The following IL31RA variants were observed in gnomAD, a reference collection of about 807,000 sequenced individuals.
The protein encoded by IL31RA is interleukin 31 receptor A.
In IL31RA, 66 loss-of-function variants were observed where a neutral mutation model predicts 83.7. That is an observed-to-expected ratio of 0.79 (90% CI 0.65 to 0.97). The LOEUF (loss-of-function observed/expected upper bound fraction) is 0.97, where lower values mean the gene tolerates loss of function less well. Ranked by LOEUF, IL31RA falls within the 50% of genes least tolerant of loss-of-function variation. The pLI is 0.00. For synonymous variants in IL31RA, 325 were observed against 329.0 expected, an observed-to-expected ratio of 0.99 and a Z score of 0.13; for missense variants, 798 against 919.4, an observed-to-expected ratio of 0.87 and a Z score of 1.71.
At chr5:55,897,403 G>A (rs1748472624) in intron 7 of IL31RA, among the ~76,000 whole-genome samples, 3 of 152,028 alleles carry the variant, frequency 2.0e-5, no homozygotes, top group Admixed American at 2.0e-4. Context: ...AGTGCAGGAG[G>A]CACCATGACC....
chr5:55,865,834 G>A (rs1322889203), intron 2 of IL31RA, among the ~76,000 whole-genome samples: 2 of 152,140 alleles, frequency 1.3e-5, no homozygotes, highest in Non-Finnish European at 2.9e-5. Flanking sequence ...TCTCTTTGGG[G>A]TTCCTGCCTT....
intron 8 of IL31RA, among the ~76,000 whole-genome samples, chr5:55,902,140 T>C (rs1378266409): frequency 6.6e-6 from 1 of 152,208 alleles, no homozygotes; most frequent in African/African-American, 2.4e-5. Flanking sequence ...CTTGTTATTG[T>C]AAATGAAGTT....
At position 55,868,874 on chromosome 5, in the gene IL31RA, A is replaced by G. The variant is rs1746347311; in HGVS notation, c.238A>G (p.Thr80Ala). ...LTCTWSPGKETSYTQYTVKRT... is the reference protein window; with the variant it reads ...LTCTWSPGKEASYTQYTVKRT... ...CTGCACTTGGAGTCCAGGAAAGGAA[A>G]CCAGTTATACCCAGTACACAGTTAA... The change falls in exon 3 of 15, where the codon ACC becomes GCC. Residue 80 changes from threonine (T) to alanine (A), a missense_variant. By Grantham distance (58) the Thr-to-Ala change is moderately conservative. Coordinates refer to ENST00000652347, the MANE Select transcript of IL31RA (RefSeq NM_139017.7). 6.3e-7 allele frequency: 1 copy of G among 1,593,986 alleles called. No homozygotes were observed. Among genetic ancestry groups the G allele is most frequent in the Admixed American group, 1.7e-5 (1 of 59,982 alleles).
intron 1 of IL31RA, among the ~76,000 whole-genome samples, chr5:55,854,901 T>C (rs1008256922): frequency 3.3e-5 from 5 of 152,162 alleles, no homozygotes; most frequent in Non-Finnish European, 5.9e-5. Context: ...AGGCCATTAT[T>C]ACTGCGACTA....
intron 4 of IL31RA, among the ~76,000 whole-genome samples, chr5:55,881,716 ATTTTTTTTTTTTTT>A (rs34217814): frequency 3.4e-5 from 2 of 59,630 alleles, no homozygotes; most frequent in African/African-American, 7.3e-5. Flanking sequence ...AGTTCCTGAG[ATTTTTTTTTTTTTT>A]TTTTTTTTTT....
At position 55,921,152 on chromosome 5, in the gene IL31RA, C is replaced by CT. The variant is rs1750071587; in HGVS notation, c.*4038dup. ...TGAGACTCCCCTCTAGGTGTCCCCT[C>CT]TTTTTTCTAATTTAAAATTTGTTTT... On this transcript the variant is annotated 3_prime_UTR_variant, in exon 15 of 15. Coordinates refer to ENST00000652347, the MANE Select transcript of IL31RA (RefSeq NM_139017.7). Among the ~76,000 whole-genome samples, 1 of 152,304 alleles carries CT rather than the reference C, an allele frequency of 6.6e-6. No individual in the cohort carries two copies. The highest frequency in any genetic ancestry group is 2.4e-5 in the African/African-American group (1 of 41,570).
At chr5:55,869,347 G>A (rs1746373467) in intron 3 of IL31RA, among the ~76,000 whole-genome samples, 1 of 152,122 alleles carries the variant, frequency 6.6e-6, no homozygotes, top group Non-Finnish European at 1.5e-5. Context: ...ACAGGACAAT[G>A]ATTCCCCAAT....
intron 6 of IL31RA, among the ~76,000 whole-genome samples, chr5:55,894,940 C>T (rs979848949): frequency 3.7e-4 from 56 of 152,158 alleles, no homozygotes; most frequent in African/African-American, 1.3e-3. Context: ...TGGTCTCGAA[C>T]TCCTGACCTC....
At chr5:55,859,953 A>G (rs1745572745) in intron 2 of IL31RA, among the ~76,000 whole-genome samples, 1 of 152,212 alleles carries the variant, frequency 6.6e-6, no homozygotes, top group Non-Finnish European at 1.5e-5. Context: ...ACCAAACCCT[A>G]TATATAGTAC....
intron 2 of IL31RA, among the ~76,000 whole-genome samples, chr5:55,868,439 C>T (rs1746318542): frequency 6.6e-6 from 1 of 152,186 alleles, no homozygotes; most frequent in Non-Finnish European, 1.5e-5. Flanking sequence ...ATCTGTTACC[C>T]ATGAATTATC....
In IL31RA at chr5:55,867,928, T is replaced by C. The variant is rs541974847; in HGVS notation, c.155-863T>C. Among the ~76,000 whole-genome samples the C allele has an allele frequency of 1.2e-4, 19 of 152,190 alleles. 1 individual carries two copies. Among genetic ancestry groups the C allele is most frequent in the African/African-American group, 4.6e-4 (19 of 41,510 alleles). On this transcript the variant is annotated intron_variant, in intron 2 of 14. Coordinates refer to ENST00000652347, the MANE Select transcript of IL31RA (RefSeq NM_139017.7). ...TCCCCCTGGGTCCTCCCACAACACA[T>C]GGGAATTCTGGGAGATACAATTCAA... is the stretch of plus-strand genomic sequence containing the variant.
In IL31RA at chr5:55,908,419, C is replaced by T. The variant is rs369399607; in HGVS notation, c.1501+8C>T. ...AAGGTGGAAAAGGATTCTGTAAGCACGCCCATAGCGAAGTGGAAAAAAACC... is the reference window on the plus strand; with the variant it reads ...AAGGTGGAAAAGGATTCTGTAAGCATGCCCATAGCGAAGTGGAAAAAAACC... On this transcript the variant is annotated splice_region_variant and intron_variant, in intron 11 of 14. Coordinates refer to ENST00000652347, the MANE Select transcript of IL31RA (RefSeq NM_139017.7). 595 of 1,614,144 alleles carry T rather than the reference C, an allele frequency of 3.7e-4. No homozygotes were observed. Among genetic ancestry groups the T allele is most frequent in the Non-Finnish European group, 4.7e-4 (549 of 1,180,044 alleles).
intron 6 of IL31RA, among the ~76,000 whole-genome samples, chr5:55,891,087 T>A (rs1484937993): frequency 6.6e-6 from 1 of 152,244 alleles, no homozygotes. Context: ...AGATATTCAC[T>A]AACTGCTAGA....
At chr5:55,907,500 G>A (rs1253242101) in intron 10 of IL31RA, 40 bp downstream of exon 10, 1 of 1,337,350 alleles carries the variant, frequency 7.5e-7, no homozygotes, top group Non-Finnish European at 1.1e-6. Context: ...AGGAAACAGT[G>A]TGACCTGTCC....
In IL31RA at chr5:55,920,719, T is replaced by C. The variant is rs1399280623; in HGVS notation, c.*3599T>C. Among the ~76,000 whole-genome samples the C allele has an allele frequency of 6.6e-6, 1 of 152,222 alleles. No individual in the cohort carries two copies. Among genetic ancestry groups the C allele is most frequent in the Non-Finnish European group, 1.5e-5 (1 of 68,046 alleles). On this transcript the variant is annotated 3_prime_UTR_variant, in exon 15 of 15. Coordinates refer to ENST00000652347, the MANE Select transcript of IL31RA (RefSeq NM_139017.7). ...GCTGCAAATTAAAAAGAAATCAGGATATGTCATTCTGAATTTCTGACCAAA... is the reference window on the plus strand; with the variant it reads ...GCTGCAAATTAAAAAGAAATCAGGACATGTCATTCTGAATTTCTGACCAAA...
At chr5:55,862,106 C>T (rs898932859) in intron 2 of IL31RA, among the ~76,000 whole-genome samples, 3 of 152,018 alleles carry the variant, frequency 2.0e-5, no homozygotes, top group African/African-American at 4.8e-5. Flanking sequence ...TGCTATGGTT[C>T]GTATTTTGAG....
intron 2 of IL31RA, among the ~76,000 whole-genome samples, chr5:55,860,330 C>T (rs962904747): frequency 6.6e-6 from 1 of 150,898 alleles, no homozygotes; most frequent in Non-Finnish European, 1.5e-5. Flanking sequence ...GATTGTGCCA[C>T]GGCACTCCAG....
intron 2 of IL31RA, among the ~76,000 whole-genome samples, chr5:55,865,692 C>T (rs565017030): frequency 1.3e-5 from 2 of 152,142 alleles, no homozygotes; most frequent in African/African-American, 4.8e-5. Flanking sequence ...TATGATCAAA[C>T]GAGTCATTTT....
At chr5:55,867,225 G>GTGTGTGTGCGCA (rs1746187855) in intron 2 of IL31RA, among the ~76,000 whole-genome samples, 1 of 121,808 alleles carries the variant, frequency 8.2e-6, no homozygotes, top group Non-Finnish European at 1.7e-5. Flanking sequence ...GTGTGTTTGT[G>GTGTGTGTGCGCA]TGTGTGTTTG....
Sources: allele counts gnomAD v4.1 joint callset (sites outside exome capture counted in the v4.1 genomes callset), GRCh38; gene constraint gnomAD v4.1.1; transcripts MANE v1.5; gene names NCBI Gene and HGNC (gene_info 2026-07-23, HGNC 2026-07-21).